Variants in PTPRM observed in about 807,000 individuals in gnomAD.
PTPRM encodes the protein receptor-type tyrosine-protein phosphatase mu.
Under a neutral mutation model 186.7 loss-of-function variants are expected in PTPRM, and 47 were observed. The ratio of observed to expected loss-of-function variants is 0.25; its 90% confidence interval spans 0.20 to 0.32. The LOEUF is 0.32. Among genes scored for constraint, PTPRM ranks in the 10% least tolerant of loss-of-function variants. The probability of loss-of-function intolerance (pLI) is 1.00; values close to 1 mark genes in which losing one functional copy is unlikely to be tolerated. For synonymous variants in PTPRM, 668 were observed against 674.9 expected, an observed-to-expected ratio of 0.99 and a Z score of 0.16; for missense variants, 1,494 against 1,865.0, an observed-to-expected ratio of 0.80 and a Z score of 3.66.
intron 19 of PTPRM, among the ~76,000 whole-genome samples, chr18:8,258,486 G>A (rs1280543160): frequency 5.9e-5 from 9 of 152,104 alleles, no homozygotes; most frequent in Admixed American, 1.3e-4. Context: ...CAGGTCCAAC[G>A]TTGTGGTGAT....
chr18:7,574,783 A>G (rs1438625724), intron 1 of PTPRM, among the ~76,000 whole-genome samples: 1 of 152,162 alleles, frequency 6.6e-6, no homozygotes, highest in African/African-American at 2.4e-5. Context: ...TGTAATCCCA[A>G]TACTTTGGGA....
intron 2 of PTPRM, among the ~76,000 whole-genome samples, chr18:7,775,071 T>C (rs2042514431): frequency 1.3e-5 from 2 of 152,100 alleles, no homozygotes; most frequent in East Asian, 3.9e-4. Context: ...GAATGCAGAG[T>C]TTTTCATTAA....
At chr18:7,580,034 T>C (rs1393876359) in intron 1 of PTPRM, among the ~76,000 whole-genome samples, 1 of 152,236 alleles carries the variant, frequency 6.6e-6, no homozygotes, top group Non-Finnish European at 1.5e-5. Flanking sequence ...GAGAGGTGGC[T>C]CATTAAGTTA....
intron 19 of PTPRM, among the ~76,000 whole-genome samples, chr18:8,265,389 C>T (rs1222531367): frequency 9.2e-5 from 14 of 152,156 alleles, no homozygotes; most frequent in Admixed American, 7.9e-4. Flanking sequence ...TCTTGAGAGC[C>T]GTAGATTCCA....
At chr18:8,244,733 C>T (rs2094461946) in intron 15 of PTPRM, among the ~76,000 whole-genome samples, 1 of 152,190 alleles carries the variant, frequency 6.6e-6, no homozygotes. Flanking sequence ...AAACCAACCT[C>T]AGCTACTGCC....
At chr18:8,251,715 A>G (rs2094529731) in intron 17 of PTPRM, 1 of 152,238 alleles carries the variant, frequency 6.6e-6, no homozygotes, top group African/African-American at 2.4e-5. Context: ...TGCGATGCAG[A>G]TAGAAGTGAG....
intron 11 of PTPRM, among the ~76,000 whole-genome samples, chr18:8,090,398 T>A (rs942846784): frequency 2.0e-5 from 3 of 152,130 alleles, no homozygotes; most frequent in African/African-American, 7.2e-5. Flanking sequence ...ATAGTTAGAG[T>A]TCACTCAGAT....
intron 1 of PTPRM, among the ~76,000 whole-genome samples, chr18:7,597,449 A>G (rs993622943): frequency 2.0e-5 from 3 of 152,148 alleles, no homozygotes; most frequent in Non-Finnish European, 4.4e-5. Flanking sequence ...TTCTTGACTT[A>G]CTAGAGTCAG....
rs138869810 is a variant in PTPRM, at chr18:7,822,077, C to T, written c.196+47806C>T. Among the ~76,000 whole-genome samples, 76 of 152,270 alleles carry T rather than the reference C, an allele frequency of 5.0e-4. 1 individual carries two copies. The East Asian group carries it at 0.013, about 27-fold the overall frequency. ...TGTAACTCCAAATATAGTTCTACTT[C>T]CTTCCTTCGTCAAATATTATTTTAC... On this transcript the variant is annotated intron_variant, in intron 2 of 32. Transcript: ENST00000580170.
At chr18:7,925,410 CATTAA>C (rs1170602992) in intron 4 of PTPRM, among the ~76,000 whole-genome samples, 2 of 152,116 alleles carry the variant, frequency 1.3e-5, no homozygotes, top group African/African-American at 4.8e-5. Flanking sequence ...GTGTTTTTGA[CATTAA>C]ATTAAGTTTT....
At chr18:8,178,789 A>T (rs1568472286) in intron 14 of PTPRM, among the ~76,000 whole-genome samples, 1 of 146,438 alleles carries the variant, frequency 6.8e-6, no homozygotes, top group Non-Finnish European at 1.5e-5. Context: ...TCCGTCTCAA[A>T]AATAATAATA....
intron 11 of PTPRM, among the ~76,000 whole-genome samples, chr18:8,091,672 T>C (rs1280571490): frequency 6.6e-6 from 1 of 151,758 alleles, no homozygotes; most frequent in African/African-American, 2.4e-5. Flanking sequence ...TGATTATCTG[T>C]AGAATAGATG....
At chr18:7,910,205 A>G (rs1313400894) in intron 4 of PTPRM, among the ~76,000 whole-genome samples, 1 of 152,228 alleles carries the variant, frequency 6.6e-6, no homozygotes, top group Non-Finnish European at 1.5e-5. Flanking sequence ...TTCACAGAGT[A>G]TGTACCCGCG....
In PTPRM at chr18:8,179,459, CT is replaced by C. The variant is rs563623028; in HGVS notation, c.2300+35692del. 4.3e-3 allele frequency among the ~76,000 whole-genome samples: 615 copies of C among 143,698 alleles called. 11 individuals carry two copies. The East Asian group carries it at 0.078, about 18-fold the overall frequency. The allele number at this position is 143,698 out of a possible 152,430, so 94.3% of individuals were successfully genotyped here. On this transcript the variant is annotated intron_variant, in intron 14 of 32. Coordinates refer to ENST00000580170, the MANE Select transcript of PTPRM (RefSeq NM_001105244.2). ...TTTCTGACTTGTCCTAAATATCCCT[CT>C]TTTTTTTTTTTCTTTTCTTTTTTTT...
chr18:7,713,020 C>T (rs1290139128), intron 1 of PTPRM, among the ~76,000 whole-genome samples: 2 of 152,062 alleles, frequency 1.3e-5, no homozygotes, highest in African/African-American at 4.8e-5. Context: ...ATACAGAGAA[C>T]ACCACAAAGA....
intron 1 of PTPRM, among the ~76,000 whole-genome samples, chr18:7,761,823 A>G (rs2041790013): frequency 6.6e-6 from 1 of 152,096 alleles, no homozygotes; most frequent in Non-Finnish European, 1.5e-5. Context: ...GTGACAGGGA[A>G]GGAGGGAGAT....
At chr18:7,684,860 T>TA (rs2039563186) in intron 1 of PTPRM, among the ~76,000 whole-genome samples, 1 of 152,206 alleles carries the variant, frequency 6.6e-6, no homozygotes, top group Admixed American at 6.5e-5. Context: ...TTTGGGTAAA[T>TA]ACACCTAAGT....
chr18:8,283,501 C>T (rs895081187), intron 19 of PTPRM, among the ~76,000 whole-genome samples: 1 of 152,066 alleles, frequency 6.6e-6, no homozygotes. Flanking sequence ...CAAAATGAGG[C>T]AAGGATTTAT....
At chr18:7,763,946 ATTCT>A in intron 1 of PTPRM, among the ~76,000 whole-genome samples, 1 of 151,588 alleles carries the variant, frequency 6.6e-6, no homozygotes, top group African/African-American at 2.4e-5. Context: ...ATAAAATGCA[ATTCT>A]TTTTTTTTTT....
Sources: allele counts gnomAD v4.1 joint callset (sites outside exome capture counted in the v4.1 genomes callset), GRCh38; gene constraint gnomAD v4.1.1; transcripts MANE v1.5; gene names NCBI Gene and HGNC (gene_info 2026-07-23, HGNC 2026-07-21).